The following RYR3 variants were observed in gnomAD, a reference collection of about 807,000 sequenced individuals.
The protein encoded by RYR3 is brain ryanodine receptor-calcium release channel.
RYR3 carries 207 observed loss-of-function variants against 584.3 expected under a neutral mutation model. The ratio of observed to expected loss-of-function variants is 0.35; its 90% CI spans 0.32 to 0.40. The LOEUF (loss-of-function observed/expected upper bound fraction) is 0.40. Ranked by LOEUF, RYR3 falls within the 10% of genes least tolerant of loss-of-function variation. The probability of loss-of-function intolerance (pLI) is 1.00; values close to 1 mark genes in which losing one functional copy is unlikely to be tolerated. For synonymous variants in RYR3, 2,416 were observed against 2,248.5 expected (o/e 1.07, Z -2.11); for missense variants, 5,616 against 6,089.2 (o/e 0.92, Z 2.59).
chr15:33,477,755 G>C (rs1242964756), intron 2 of RYR3, among the ~76,000 whole-genome samples: 2 of 143,144 alleles, frequency 1.4e-5, no homozygotes, highest in South Asian at 2.1e-4. Flanking sequence ...GGCGCCTGTA[G>C]TCCCAGCTAC....
chr15:33,555,477 G>A (rs1005193414), intron 10 of RYR3, among the ~76,000 whole-genome samples: 3 of 152,176 alleles, frequency 2.0e-5, no homozygotes, highest in African/African-American at 7.2e-5. Context: ...TTAAGTTGAT[G>A]TGCTTTCTCT....
Position 33,516,584 on chromosome 15 carries a change from C to T in RYR3, c.279+12846C>T, listed in dbSNP as rs541937319. Among the ~76,000 whole-genome samples, 40 of 152,238 alleles carry T rather than the reference C, an allele frequency of 2.6e-4. 1 individual carries two copies. The East Asian group carries it at 6.8e-3, about 26-fold the overall frequency. ...CTCCTGACCTCAAGTGATCCACCCACCCCAGCCTCCCAAAGTGCTGTGATT... is the reference window on the plus strand; with the variant it reads ...CTCCTGACCTCAAGTGATCCACCCATCCCAGCCTCCCAAAGTGCTGTGATT... On this transcript the variant is annotated intron_variant, in intron 3 of 103. Transcript: ENST00000634891.
Position 33,346,146 on chromosome 15 carries a change from C to A in RYR3, c.51+35050C>A, listed in dbSNP as rs116764408. On this transcript the variant is annotated intron_variant, in intron 1 of 103. Coordinates refer to ENST00000634891, the MANE Select transcript of RYR3 (RefSeq NM_001036.6). Reference sequence around the variant, plus strand: ...CAAAGGATATTGATCTTTGTGGTTGCAAAATAGAGGTGACAGGTGATTCTT... The same window carrying A: ...CAAAGGATATTGATCTTTGTGGTTGAAAAATAGAGGTGACAGGTGATTCTT... 1.0e-3 allele frequency among the ~76,000 whole-genome samples: 158 copies of A among 152,144 alleles called. 1 individual carries two copies. The highest frequency in any genetic ancestry group is 3.7e-3 in the African/African-American group (152 of 41,510).
intron 63 of RYR3, 95 bp from the exon 64 acceptor site, chr15:33,773,439 C>CTTTTT (rs1316180403): frequency 6.0e-6 from 5 of 837,836 alleles, no homozygotes; most frequent in Admixed American, 2.0e-5. Context: ...ATCTTTTACT[C>CTTTTT]TTTACTGATG....
Position 33,818,625 on chromosome 15 carries a change from A to T in RYR3, c.10647A>T (p.Gln3549His). ...EEEEEEETEK[Q>H]PDPLHQIILY... ...AGGAGGAGGAAGAGACAGAAAAACA[A>T]CCTGACCCACTACATCAGATCATTC... Residue 3549 changes from glutamine to histidine, a missense_variant, in exon 76 of 104, where the codon CAA (glutamine) becomes CAT (histidine). Physicochemically the swap from Gln to His is conservative, Grantham distance 24 (BLOSUM62 0). Coordinates refer to ENST00000634891, the MANE Select transcript of RYR3 (RefSeq NM_001036.6). 6.2e-7 allele frequency: 1 copy of T among 1,613,960 alleles called. No homozygotes were observed. Among genetic ancestry groups the T allele is most frequent in the South Asian group, 1.1e-5 (1 of 91,078 alleles).
chr15:33,450,543 A>G (rs2047035180), intron 1 of RYR3, among the ~76,000 whole-genome samples: 1 of 151,632 alleles, frequency 6.6e-6, no homozygotes, highest in Non-Finnish European at 1.5e-5. Flanking sequence ...GACGTTATCT[A>G]TTCCTAGGCA....
At chr15:33,467,385 C>T (rs1425476832) in intron 1 of RYR3, 4 of 554,880 alleles carry the variant, frequency 7.2e-6, no homozygotes, top group East Asian at 1.4e-4. Context: ...GAGTTCCTCA[C>T]AGGTGACCCG....
At chr15:33,503,564 ATGT>A (rs1426653783) in intron 2 of RYR3, 64 bp from the exon 3 acceptor site, 1 of 903,206 alleles carries the variant, frequency 1.1e-6, no homozygotes, top group Admixed American at 2.1e-5. Flanking sequence ...TGCCCTTGAG[ATGT>A]TGTTGCGTGA....
At chr15:33,561,220 T>C (rs968151063) in intron 10 of RYR3, among the ~76,000 whole-genome samples, 1 of 152,238 alleles carries the variant, frequency 6.6e-6, no homozygotes, top group Non-Finnish European at 1.5e-5. Flanking sequence ...TTTCATAGCC[T>C]GACAAAAAGA....
rs528495656 is a variant in RYR3, at chr15:33,815,415, CAT to C, written c.10503-1446_10503-1445del. ...TTCGAAAGAGCCTAGCTCGAAAGCA[CAT>C]GTCTCTGGGACCAGGACAGCTAGGC... On this transcript the variant is annotated intron_variant, in intron 74 of 103. Transcript: ENST00000634891. 287 of 153,588 alleles carry C rather than the reference CAT, an allele frequency of 1.9e-3. 1 individual carries two copies. Among genetic ancestry groups the C allele is most frequent in the Middle Eastern group, 0.017 (5 of 300 alleles). The allele number at this position is 153,588 out of a possible 1,614,324, so 9.5% of individuals were successfully genotyped here.
intron 1 of RYR3, among the ~76,000 whole-genome samples, chr15:33,341,073 C>T (rs1484866979): frequency 6.6e-6 from 1 of 152,122 alleles, no homozygotes; most frequent in Non-Finnish European, 1.5e-5. Context: ...GAGTCTCACT[C>T]TGTCACTCAG....
intron 1 of RYR3, among the ~76,000 whole-genome samples, chr15:33,388,380 A>G (rs1339815713): frequency 1.3e-5 from 2 of 152,188 alleles, no homozygotes; most frequent in Non-Finnish European, 2.9e-5. Flanking sequence ...CCAATAGAGT[A>G]AGGAAGGAGA....
rs1555427713 is a variant in RYR3, at chr15:33,725,993, A to AC, written c.6913-393_6913-392insC. On this transcript the variant is annotated intron_variant, in intron 45 of 103. Transcript: ENST00000634891. ...CCCCCCCCCAAAAAAAAAAAAAAAA[A>AC]AAAACAGAATTCTAGAGTCTGGCAT... 1.6e-3 allele frequency among the ~76,000 whole-genome samples: 129 copies of AC among 79,082 alleles called. 13 individuals carry two copies. The highest frequency in any genetic ancestry group is 4.0e-3 in the African/African-American group (98 of 24,462). 51.9% of individuals were successfully genotyped at this position (79,082 alleles called of 152,430 possible). A position where few individuals can be genotyped will look rare whatever the true frequency, so the allele number is the denominator to read the frequency against.
intron 16 of RYR3, among the ~76,000 whole-genome samples, chr15:33,600,647 G>A (rs66979647): frequency 0.11 from 16,700 of 151,930 alleles, 1,731 homozygotes; most frequent in East Asian, 0.58. Context: ...TTGAAAGTTT[G>A]TTCTCCTTCT....
intron 77 of RYR3, among the ~76,000 whole-genome samples, chr15:33,820,042 T>G: frequency 6.6e-6 from 1 of 152,202 alleles, no homozygotes; most frequent in Non-Finnish European, 1.5e-5. Flanking sequence ...AGGTTCACAC[T>G]GACATTTCTA....
Position 33,812,827 on chromosome 15 carries a change from A to C in RYR3, c.10258-36A>C. On this transcript the variant is annotated intron_variant, in intron 72 of 103. Transcript: ENST00000634891. ...GCTTCTTCAGTATAAGAAGTACAGG[A>C]AATTCCTCATCTTATGAGTATGCTT... 1.9e-6 allele frequency: 3 copies of C among 1,607,236 alleles called. No homozygotes were observed. The South Asian group carries it at 3.3e-5, about 18-fold the overall frequency.
chr15:33,606,388 G>T (rs2059905257), intron 18 of RYR3, among the ~76,000 whole-genome samples: 1 of 152,148 alleles, frequency 6.6e-6, no homozygotes. Flanking sequence ...CATGAGAATA[G>T]CCCAGTTAGG....
chr15:33,316,362 G>A (rs1296493923), intron 1 of RYR3, among the ~76,000 whole-genome samples: 1 of 151,986 alleles, frequency 6.6e-6, no homozygotes, highest in African/African-American at 2.4e-5. Flanking sequence ...AATTGACTTG[G>A]CATTATTCTG....
At chr15:33,583,447 A>G (rs1057398982) in intron 14 of RYR3, among the ~76,000 whole-genome samples, 2 of 152,138 alleles carry the variant, frequency 1.3e-5, no homozygotes, top group South Asian at 2.1e-4. Context: ...GCTTATCACT[A>G]TCTGAAGTAA....
Sources: gnomAD v4.1 joint callset for allele counts (sites outside exome capture counted in the v4.1 genomes callset) on GRCh38, gnomAD v4.1.1 for gene constraint, MANE v1.5 for transcripts, NCBI Gene and HGNC (gene_info 2026-07-23, HGNC 2026-07-21) for gene names.